Variants in GLB1 observed in about 807,000 individuals in gnomAD.
GLB1 encodes galactosidase beta 1.
Under a neutral mutation model 74.0 loss-of-function variants are expected in GLB1, and 56 were observed. The observed-to-expected ratio is 0.76, with a 90% confidence interval of 0.61 to 0.94. The LOEUF is 0.94. Ranked by LOEUF, GLB1 falls within the 40% of genes least tolerant of loss-of-function variation. The pLI is 0.00. For missense variants in GLB1, 787 were observed against 845.5 expected (o/e 0.93, Z 0.86); for synonymous variants, 323 against 323.6 (o/e 1.00, Z 0.02).
At chr3:33,094,356 C>T (rs1449149630) in intron 1 of GLB1, 26 of 1,390,172 alleles carry the variant, frequency 1.9e-5, no homozygotes, top group Non-Finnish European at 2.3e-5. Context: ...GTCCTTGTAC[C>T]CATTCAAAAC....
intron 1 of GLB1, 148 bp downstream of exon 1, chr3:33,096,863 C>A: frequency 7.1e-7 from 1 of 1,417,940 alleles, no homozygotes; most frequent in South Asian, 1.5e-5. Flanking sequence ...CCACTGCCTG[C>A]GTTCCGCCGG....
At chr3:32,970,770 C>T in the GLB1 span, among the ~76,000 whole-genome samples, 9 of 152,260 alleles carry the variant, frequency 5.9e-5, no homozygotes, top group Admixed American at 3.3e-4. Flanking sequence ...ACGGCGAAAC[C>T]TAACCACCGG....
intron 5 of GLB1, among the ~76,000 whole-genome samples, chr3:33,063,249 A>T (rs1699524581): frequency 7.1e-6 from 1 of 141,786 alleles, no homozygotes; most frequent in Non-Finnish European, 1.6e-5. Flanking sequence ...GTAAGAAAGC[A>T]GAAAAAAAAG....
intron 10 of GLB1, among the ~76,000 whole-genome samples, chr3:33,035,159 C>T (rs1253584928): frequency 1.3e-5 from 2 of 152,078 alleles, no homozygotes; most frequent in East Asian, 1.9e-4. Context: ...AGGCTGGGCG[C>T]AGTTGCCCAT....
chr3:33,077,532 C>T (rs888830356), intron 1 of GLB1: 8 of 718,192 alleles, frequency 1.1e-5, no homozygotes, highest in African/African-American at 9.1e-5. Context: ...CTGTTCTTTA[C>T]AGACCAAGAT....
chr3:32,992,792 G>C (rs1696246711), downstream of GLB1, among the ~76,000 whole-genome samples: 1 of 152,212 alleles, frequency 6.6e-6, no homozygotes, highest in African/African-American at 2.4e-5. Flanking sequence ...GTCTGGTGAG[G>C]AATCAGTTCA....
intron 10 of GLB1, among the ~76,000 whole-genome samples, chr3:33,043,771 G>GAAAGATACCTCAGAAAAATAGCAAGCA (rs1698603492): frequency 1.2e-5 from 1 of 82,258 alleles, no homozygotes; most frequent in Non-Finnish European, 2.9e-5. Context: ...ACAGCATTGG[G>GAAAGATACCTCAGAAAAATAGCAAGCA]AAAGATACCT....
At chr3:32,968,282 A>G in the GLB1 span, among the ~76,000 whole-genome samples, 1 of 152,166 alleles carries the variant, frequency 6.6e-6, no homozygotes, top group Non-Finnish European at 1.5e-5. Flanking sequence ...ATTAATGTGC[A>G]TGGTGCAAAA....
At chr3:33,089,784 A>ATATATACCCATTGCAAATC (rs1700671857) in intron 1 of GLB1, among the ~76,000 whole-genome samples, 1 of 152,218 alleles carries the variant, frequency 6.6e-6, no homozygotes, top group African/African-American at 2.4e-5. Flanking sequence ...CTCAATGGGT[A>ATATATACCCATTGCAAATC]TATAGATTTG....
chr3:33,004,591 T>C (rs1012392566), intron 15 of GLB1, among the ~76,000 whole-genome samples: 1 of 152,218 alleles, frequency 6.6e-6, no homozygotes, highest in East Asian at 1.9e-4. Context: ...TCCTCAGCCA[T>C]GTCTGTGCCT....
At chr3:33,051,603 CAAAAAAA>C (rs59740209) in intron 9 of GLB1, among the ~76,000 whole-genome samples, 148 bp downstream of exon 9, 2 of 75,460 alleles carry the variant, frequency 2.7e-5, no homozygotes, top group Non-Finnish European at 5.6e-5. Context: ...AGACTGTCTA[CAAAAAAA>C]AAAAAAAAAG....
the GLB1 span, among the ~76,000 whole-genome samples, chr3:32,964,897 T>G: frequency 6.6e-6 from 1 of 152,198 alleles, no homozygotes; most frequent in African/African-American, 2.4e-5. Flanking sequence ...CATGCTGTTC[T>G]TGTGATAGTG....
intron 10 of GLB1, among the ~76,000 whole-genome samples, chr3:33,038,399 A>C (rs1411333013): frequency 6.6e-6 from 1 of 152,244 alleles, no homozygotes; most frequent in African/African-American, 2.4e-5. Flanking sequence ...GGAGTAAGTA[A>C]ATCTCTGAAA....
chr3:33,024,601 G>C (rs1203997677), intron 10 of GLB1, among the ~76,000 whole-genome samples: 1 of 152,146 alleles, frequency 6.6e-6, no homozygotes. Context: ...GAGAGAATGA[G>C]GGTAAACAGC....
At chr3:32,992,419 T>A (rs1696242520), downstream of GLB1, among the ~76,000 whole-genome samples, 1 of 152,208 alleles carries the variant, frequency 6.6e-6, no homozygotes, top group Admixed American at 6.5e-5. Flanking sequence ...TTCCAGATGA[T>A]CAGTTACCTG....
At chr3:33,030,739 C>T (rs1473708592) in intron 10 of GLB1, 1 of 985,296 alleles carries the variant, frequency 1.0e-6, no homozygotes, top group Non-Finnish European at 1.2e-6. Context: ...TCAAGGTCCT[C>T]ACTACCACTT....
rs61013692 is a variant in GLB1, at chr3:33,022,564, ATTTT to A, written c.1144-913_1144-910del. On this transcript the variant is annotated intron_variant, in intron 11 of 15. Transcript: ENST00000307363. ...TTCCATGACTATAATACTGGTTAGG[ATTTT>A]TTTTTTTTTTTTTTTGAGAGAGTCT... Among the ~76,000 whole-genome samples the A allele has an allele frequency of 4.5e-4, 29 of 63,746 alleles. 1 individual carries two copies. The highest frequency in any genetic ancestry group is 1.7e-3 in the East Asian group (3 of 1,722). 41.8% of individuals were successfully genotyped at this position (63,746 alleles called of 152,430 possible). A position where few individuals can be genotyped will look rare whatever the true frequency, so the allele number is the denominator to read the frequency against.
At chr3:33,019,575 T>C (rs1341651572) in intron 12 of GLB1, among the ~76,000 whole-genome samples, 1 of 152,150 alleles carries the variant, frequency 6.6e-6, no homozygotes, top group African/African-American at 2.4e-5. Context: ...TAATCCACCT[T>C]CCTGTGTTGC....
intron 15 of GLB1, among the ~76,000 whole-genome samples, chr3:33,001,835 T>A (rs1696585196): frequency 6.6e-6 from 1 of 152,198 alleles, no homozygotes; most frequent in Admixed American, 6.6e-5. Context: ...TTTAAGAGTT[T>A]TAAAGAATAT....
Sources: gnomAD v4.1 joint callset for allele counts (sites outside exome capture counted in the v4.1 genomes callset) on GRCh38, gnomAD v4.1.1 for gene constraint, MANE v1.5 for transcripts, NCBI Gene and HGNC (gene_info 2026-07-23, HGNC 2026-07-21) for gene names.